NELL1: variants seen among roughly 807,000 people sequenced by gnomAD.
NELL1 encodes the protein protein kinase C-binding protein NELL1.
Under a neutral mutation model 107.4 loss-of-function variants are expected in NELL1, and 76 were observed. That is an observed-to-expected ratio of 0.71 (90% CI 0.59 to 0.86). The LOEUF (loss-of-function observed/expected upper bound fraction) is 0.86. Ranked by LOEUF, NELL1 falls within the 40% of genes least tolerant of loss-of-function variation. NELL1 has a pLI of 0.00. For synonymous variants in NELL1, 353 were observed against 341.2 expected (o/e 1.03, Z -0.38); for missense variants, 1,024 against 1,005.5 (o/e 1.02, Z -0.25).
chr11:21,444,410 G>A (rs1197714006), intron 15 of NELL1, among the ~76,000 whole-genome samples: 1 of 151,990 alleles, frequency 6.6e-6, no homozygotes, highest in Non-Finnish European at 1.5e-5. Context: ...ATTATACATA[G>A]CAAAACTGTT....
At chr11:21,251,627 A>G (rs1161479785) in intron 14 of NELL1, among the ~76,000 whole-genome samples, 1 of 151,978 alleles carries the variant, frequency 6.6e-6, no homozygotes, top group Non-Finnish European at 1.5e-5. Context: ...ATTTAGGGAC[A>G]AATGATCAGG....
chr11:20,691,696 T>C (rs192058388), intron 2 of NELL1, among the ~76,000 whole-genome samples: 31,135 of 151,202 alleles, frequency 0.21, 3,513 homozygotes, highest in African/African-American at 0.27. Context: ...CAGTATTTTA[T>C]TGAGGATTTT....
chr11:20,840,198 A>T (rs1413305003), intron 3 of NELL1, among the ~76,000 whole-genome samples: 1 of 152,246 alleles, frequency 6.6e-6, no homozygotes, highest in Non-Finnish European at 1.5e-5. Flanking sequence ...ATTTATAAGC[A>T]GAAAATCAAC....
intron 13 of NELL1, among the ~76,000 whole-genome samples, chr11:21,163,046 T>C (rs1856406661): frequency 6.6e-6 from 1 of 152,192 alleles, no homozygotes; most frequent in African/African-American, 2.4e-5. Context: ...ACTGTGAGAC[T>C]TTACTAAGTT....
At chr11:20,959,541 A>G (rs865944797) in intron 11 of NELL1, among the ~76,000 whole-genome samples, 3 of 152,190 alleles carry the variant, frequency 2.0e-5, no homozygotes, top group Non-Finnish European at 2.9e-5. Flanking sequence ...ATTGGAGACT[A>G]TTACTCTCAG....
chr11:21,167,341 A>G (rs182239093), intron 13 of NELL1, among the ~76,000 whole-genome samples: 1 of 151,900 alleles, frequency 6.6e-6, no homozygotes, highest in Admixed American at 6.5e-5. Flanking sequence ...CTTGGCCTAT[A>G]TAGACCTGAC....
chr11:21,067,360 A>AT (rs149289019), intron 12 of NELL1, among the ~76,000 whole-genome samples: 4,861 of 151,686 alleles, frequency 0.032, 193 homozygotes, highest in African/African-American at 0.1. Flanking sequence ...TGCAAACATG[A>AT]TTTTTTTTTA....
chr11:21,337,694 C>CCTGCTTTT (rs571492505), intron 14 of NELL1, among the ~76,000 whole-genome samples: 350 of 152,174 alleles, frequency 2.3e-3, no homozygotes, highest in African/African-American at 8.1e-3. Flanking sequence ...CTGCTGGCAC[C>CCTGCTTTT]CTGCTTTTCC....
chr11:21,043,940 A>G (rs1853297955), intron 12 of NELL1, among the ~76,000 whole-genome samples: 5 of 152,190 alleles, frequency 3.3e-5, no homozygotes, highest in Admixed American at 3.3e-4. Context: ...TGTGAAATAC[A>G]TAAGTGGAGA....
Position 21,487,446 on chromosome 11 carries a change from G to C in NELL1, c.1646-46928G>C, listed in dbSNP as rs534138179. Among the ~76,000 whole-genome samples, 8 of 146,904 alleles carry C rather than the reference G, an allele frequency of 5.4e-5. No individual in the cohort carries two copies. The East Asian group carries it at 1.7e-3, about 30-fold the overall frequency. ...CCACAAGATGAGCCCTACTAAAATT[G>C]ATTAAGGGAGCCCTACACCTGGAAG... is the stretch of plus-strand genomic sequence containing the variant. On this transcript the variant is annotated intron_variant, in intron 15 of 19. Transcript: ENST00000357134.
intron 15 of NELL1, among the ~76,000 whole-genome samples, chr11:21,519,545 G>GTT (rs5790192): frequency 0.43 from 63,038 of 146,962 alleles, 13,765 homozygotes; most frequent in Middle Eastern, 0.55. Context: ...TTTGTTTTTT[G>GTT]TTTTTTTTTT....
chr11:21,563,985 AG>A (rs1465783663), intron 17 of NELL1, among the ~76,000 whole-genome samples: 2 of 151,992 alleles, frequency 1.3e-5, no homozygotes, highest in Non-Finnish European at 2.9e-5. Context: ...TCAAAATATC[AG>A]GAACAAAAAG....
intron 15 of NELL1, among the ~76,000 whole-genome samples, chr11:21,493,437 AC>A (rs1854885501): frequency 6.6e-6 from 1 of 152,102 alleles, no homozygotes; most frequent in African/African-American, 2.4e-5. Context: ...ATTTGAAACA[AC>A]ATGGATGGAA....
chr11:21,295,860 GACTTA>G (rs1419279053), intron 14 of NELL1, among the ~76,000 whole-genome samples: 1 of 152,130 alleles, frequency 6.6e-6, no homozygotes, highest in African/African-American at 2.4e-5. Context: ...GGAAAAAAAT[GACTTA>G]ACTTCACAAA....
chr11:21,113,838 ACTTCACCCCAC>A, intron 13 of NELL1, 124 bp downstream of exon 13: 1 of 920,830 alleles, frequency 1.1e-6, no homozygotes, highest in Non-Finnish European at 1.6e-6. Flanking sequence ...TCTCTTTATT[ACTTCACCCCAC>A]CTTTTGAGAA....
At chr11:21,412,859 T>A (rs965454857) in intron 15 of NELL1, among the ~76,000 whole-genome samples, 6 of 152,074 alleles carry the variant, frequency 3.9e-5, no homozygotes, top group Admixed American at 2.0e-4. Context: ...GCAGAAAGTC[T>A]CATGAGTCCC....
rs186553626 is a variant in NELL1 at position 21,211,243 on chromosome 11, C to T, written c.1427-18089C>T. Among the ~76,000 whole-genome samples, 19 of 152,200 alleles carry T rather than the reference C, an allele frequency of 1.2e-4. No homozygotes were observed. In the East Asian group the frequency reaches 3.3e-3, roughly 26 times the overall value. ...AGTTCTTTCTCTGAGAAGGTGAAGA[C>T]ATACTTGAGATCTCAAGGATAAGCG... is the stretch of plus-strand genomic sequence containing the variant. On this transcript the variant is annotated intron_variant, in intron 13 of 19. Transcript: ENST00000357134.
intron 13 of NELL1, among the ~76,000 whole-genome samples, chr11:21,143,568 A>G (rs1258947858): frequency 6.6e-6 from 1 of 152,198 alleles, no homozygotes; most frequent in Non-Finnish European, 1.5e-5. Flanking sequence ...GTGGGGCTGT[A>G]AGGCCCTCTT....
At chr11:21,153,149 G>C (rs2133789404) in intron 13 of NELL1, among the ~76,000 whole-genome samples, 1 of 152,204 alleles carries the variant, frequency 6.6e-6, no homozygotes, top group East Asian at 1.9e-4. Flanking sequence ...ATGCAATTGT[G>C]TTTTCATCAG....
Sources: gnomAD v4.1 joint callset for allele counts (sites outside exome capture counted in the v4.1 genomes callset) on GRCh38, gnomAD v4.1.1 for gene constraint, MANE v1.5 for transcripts, NCBI Gene and HGNC (gene_info 2026-07-23, HGNC 2026-07-21) for gene names.